CRPPA: variants seen among roughly 807,000 people sequenced by gnomAD.
CRPPA encodes CDP-L-ribitol pyrophosphorylase A.
In CRPPA, 43 loss-of-function variants were observed where a neutral mutation model predicts 52.0. The ratio of observed to expected loss-of-function variants is 0.83; its 90% CI spans 0.65 to 1.07. The LOEUF (loss-of-function observed/expected upper bound fraction) is 1.07. Ranked by LOEUF, CRPPA falls within the 50% of genes least tolerant of loss-of-function variation. CRPPA has a pLI of 0.00. For synonymous variants in CRPPA, 250 were observed against 203.5 expected (o/e 1.23, Z -1.94); for missense variants, 629 against 551.7 (o/e 1.14, Z -1.40).
At chr7:16,188,680 A>C (rs1781551805) in intron 9 of CRPPA, among the ~76,000 whole-genome samples, 1 of 152,208 alleles carries the variant, frequency 6.6e-6, no homozygotes. Context: ...AGTTCATTTC[A>C]GGAACACAGT....
intron 8 of CRPPA, chr7:16,248,121 G>A (rs1783330702): frequency 2.0e-5 from 3 of 152,116 alleles, no homozygotes; most frequent in Admixed American, 1.3e-4. Context: ...TATTGCTTGA[G>A]GCCAGGAGTT....
rs534290944 is a variant in CRPPA at position 16,408,494 on chromosome 7, C to A, written c.258-2157G>T. 7.8e-4 allele frequency among the ~76,000 whole-genome samples: 118 copies of A among 152,248 alleles called. 1 individual carries two copies. In the South Asian group the frequency reaches 8.9e-3, roughly 11 times the overall value. On this transcript the variant is annotated intron_variant, in intron 1 of 9. Transcript: ENST00000407010. ...CCATGCAGAGCCTTGGAGGCCCAGGCAGGAGGTGGGCAGTATCCTAGGGGT... is the reference window on the plus strand; with the variant it reads ...CCATGCAGAGCCTTGGAGGCCCAGGAAGGAGGTGGGCAGTATCCTAGGGGT...
intron 9 of CRPPA, among the ~76,000 whole-genome samples, chr7:16,102,999 T>A (rs1216160181): frequency 6.6e-6 from 1 of 152,192 alleles, no homozygotes; most frequent in Admixed American, 6.5e-5. Context: ...TAAAGACAGA[T>A]GCACACATAT....
chr7:16,353,026 G>A (rs960382030), intron 3 of CRPPA, among the ~76,000 whole-genome samples: 1 of 152,124 alleles, frequency 6.6e-6, no homozygotes, highest in Non-Finnish European at 1.5e-5. Flanking sequence ...GACAGGGACA[G>A]AGACAAATGC....
At chr7:16,352,611 T>G (rs1409246678) in intron 3 of CRPPA, among the ~76,000 whole-genome samples, 1 of 152,078 alleles carries the variant, frequency 6.6e-6, no homozygotes, top group Non-Finnish European at 1.5e-5. Context: ...GAAGTATTGG[T>G]GAGGATGTGG....
intron 3 of CRPPA, among the ~76,000 whole-genome samples, chr7:16,333,124 T>A (rs1219344112): frequency 1.3e-5 from 2 of 152,166 alleles, no homozygotes; most frequent in Non-Finnish European, 1.5e-5. Flanking sequence ...AGGGTAAAAC[T>A]GATAGATGTG....
chr7:16,088,367 G>T lies in CRPPA; in HGVS notation c.*3328C>A, dbSNP rs1781739068. 6.7e-6 allele frequency: 1 copy of T among 150,040 alleles called. No individual in the cohort carries two copies. Among genetic ancestry groups the T allele is most frequent in the Non-Finnish European group, 1.5e-5 (1 of 67,630 alleles). 9.3% of individuals were successfully genotyped at this position (150,040 alleles called of 1,614,324 possible). ...CAGCTTTTACTAAAGTAAATTTACA[G>T]AAGCAGTGATGAAAATGTAACTGTA... On this transcript the variant is annotated 3_prime_UTR_variant, in exon 10 of 10. Transcript: ENST00000407010.
At chr7:16,408,142 A>T (rs569854466) in intron 1 of CRPPA, among the ~76,000 whole-genome samples, 2 of 151,698 alleles carry the variant, frequency 1.3e-5, no homozygotes, top group African/African-American at 4.8e-5. Context: ...ACTTATCAGC[A>T]TCGAGGATAC....
At chr7:16,216,320 T>G in intron 8 of CRPPA, 123 bp from the exon 9 acceptor site, 4 of 601,534 alleles carry the variant, frequency 6.6e-6, no homozygotes, top group Non-Finnish European at 1.1e-5. Flanking sequence ...TATTAACTTT[T>G]GTTAATCTCT....
At chr7:16,336,730 T>C (rs1785693273) in intron 3 of CRPPA, among the ~76,000 whole-genome samples, 1 of 152,056 alleles carries the variant, frequency 6.6e-6, no homozygotes, top group Admixed American at 6.5e-5. Context: ...TCCAACCATA[T>C]GCTGCCTAAA....
intron 9 of CRPPA, among the ~76,000 whole-genome samples, chr7:16,198,756 T>A (rs984879099): frequency 1.3e-5 from 2 of 151,152 alleles, no homozygotes. Flanking sequence ...TTTCATCATG[T>A]TGCCCTAGCT....
intron 5 of CRPPA, 116 bp from the exon 6 acceptor site, chr7:16,278,342 T>A: frequency 1.6e-6 from 1 of 619,878 alleles, no homozygotes; most frequent in South Asian, 2.0e-5. Context: ...TAGGGAGGTT[T>A]TGATTTCAGG....
intron 9 of CRPPA, among the ~76,000 whole-genome samples, chr7:16,212,318 T>C (rs1255841807): frequency 3.3e-5 from 5 of 152,148 alleles, no homozygotes; most frequent in Non-Finnish European, 7.3e-5. Context: ...TTTCCCACTA[T>C]ATTATAAGTA....
chr7:16,315,986 G>T (rs1785135585), intron 3 of CRPPA, among the ~76,000 whole-genome samples: 1 of 152,038 alleles, frequency 6.6e-6, no homozygotes, highest in Admixed American at 6.6e-5. Context: ...TTACTTGTTA[G>T]GAAGGAGTAA....
chr7:16,257,593 T>C (rs1399782621), intron 8 of CRPPA, among the ~76,000 whole-genome samples: 1 of 152,116 alleles, frequency 6.6e-6, no homozygotes, highest in East Asian at 1.9e-4. Context: ...TTGCAAATTA[T>C]CTTTATTCTT....
chr7:16,176,747 A>AT (rs1781306341), intron 9 of CRPPA, among the ~76,000 whole-genome samples: 1 of 117,522 alleles, frequency 8.5e-6, no homozygotes, highest in South Asian at 3.8e-4. Flanking sequence ...TGGCAAAATT[A>AT]TTCTCCTAAA....
At chr7:16,181,755 A>G (rs1583413004) in intron 9 of CRPPA, among the ~76,000 whole-genome samples, 1 of 152,078 alleles carries the variant, frequency 6.6e-6, no homozygotes, top group South Asian at 2.1e-4. Context: ...CTCCACATAT[A>G]TAACAGCCTC....
intron 6 of CRPPA, among the ~76,000 whole-genome samples, chr7:16,260,206 C>T (rs1336058272): frequency 6.6e-6 from 1 of 152,038 alleles, no homozygotes; most frequent in Admixed American, 6.6e-5. Flanking sequence ...TAACAGCTAA[C>T]TTGTTCCATA....
intron 8 of CRPPA, among the ~76,000 whole-genome samples, chr7:16,248,556 T>C (rs1783344225): frequency 6.6e-6 from 1 of 152,098 alleles, no homozygotes; most frequent in Non-Finnish European, 1.5e-5. Flanking sequence ...AGTACTCCAA[T>C]GGAAGTACCT....
Sources: gnomAD v4.1 joint callset for allele counts (sites outside exome capture counted in the v4.1 genomes callset) on GRCh38, gnomAD v4.1.1 for gene constraint, MANE v1.5 for transcripts, NCBI Gene and HGNC (gene_info 2026-07-23, HGNC 2026-07-21) for gene names.